Variants in NALF1 observed in about 807,000 individuals in gnomAD.
NALF1 encodes NALCN channel auxiliary factor 1.
In NALF1, 3 loss-of-function variants were observed where a neutral mutation model predicts 48.4. The observed-to-expected ratio is 0.06, with a 90% CI of 0.03 to 0.16. NALF1 has a LOEUF of 0.16. Among genes scored for constraint, NALF1 ranks in the 10% least tolerant of loss-of-function variants. The probability of loss-of-function intolerance (pLI) is 1.00; values close to 1 mark genes in which losing one functional copy is unlikely to be tolerated. For missense variants in NALF1, 526 were observed against 571.5 expected (o/e 0.92, Z 0.81); for synonymous variants, 262 against 245.7 (o/e 1.07, Z -0.62).
At chr13:107,713,363 TA>T (rs1429736497) in intron 1 of NALF1, among the ~76,000 whole-genome samples, 7 of 152,234 alleles carry the variant, frequency 4.6e-5, no homozygotes, top group Admixed American at 4.6e-4. Flanking sequence ...AGGGCTCTGA[TA>T]TTTTTTACTG....
At chr13:107,270,852 C>A (rs1433445798) in intron 1 of NALF1, among the ~76,000 whole-genome samples, 2 of 147,644 alleles carry the variant, frequency 1.4e-5, no homozygotes, top group East Asian at 4.1e-4. Context: ...GTGTGATGTT[C>A]CCCTTCCTGT....
At chr13:107,777,674 C>A (rs943370074) in intron 1 of NALF1, among the ~76,000 whole-genome samples, 1 of 152,146 alleles carries the variant, frequency 6.6e-6, no homozygotes, top group Non-Finnish European at 1.5e-5. Context: ...TCCTCTACAC[C>A]CTGCAAAACA....
chr13:107,759,531 T>C (rs1028222292), intron 1 of NALF1, among the ~76,000 whole-genome samples: 1 of 152,122 alleles, frequency 6.6e-6, no homozygotes, highest in African/African-American at 2.4e-5. Context: ...TTCTTGCAAA[T>C]GCATCTGGTT....
chr13:107,450,178 T>C (rs1884716524), intron 1 of NALF1, among the ~76,000 whole-genome samples: 1 of 151,856 alleles, frequency 6.6e-6, no homozygotes, highest in Admixed American at 6.6e-5. Context: ...AAGGGAGAGA[T>C]GAAAACACAG....
Position 107,866,373 on chromosome 13 carries a change from T to C in NALF1, c.224A>G (p.Gln75Arg). The C allele has an allele frequency of 1.4e-6, 2 of 1,479,328 alleles. No individual in the cohort carries two copies. The highest frequency in any genetic ancestry group is 1.3e-5 in the South Asian group (1 of 75,568). 91.6% of individuals were successfully genotyped at this position (1,479,328 alleles called of 1,614,324 possible). A position where few individuals can be genotyped will look rare whatever the true frequency, so the allele number is the denominator to read the frequency against. ...TRARDKEHQQ[Q>R]QRQQQQQQQQ... is the part of the protein sequence containing the mutation. ...CTGCTGCTGCTGCTGCTGCCGCTGC[T>C]GCTGCTGGTGCTCCTTGTCCCGGGC... The change falls in exon 1 of 3, where the codon CAG becomes CGG. Residue 75 changes from glutamine to arginine, a missense_variant. Gln to Arg is a conservative substitution (Grantham distance 43). Coordinates refer to ENST00000375915, the MANE Select transcript of NALF1 (RefSeq NM_001080396.3). This position sits in a 1 kb window ranked among gnomAD's most constrained non-coding sequence, Gnocchi z 4.4.
Position 107,682,597 on chromosome 13 carries a change from C to CT in NALF1, c.915+183084dup, listed in dbSNP as rs367854449. On this transcript the variant is annotated intron_variant, in intron 1 of 2. Coordinates refer to ENST00000375915, the MANE Select transcript of NALF1 (RefSeq NM_001080396.3). ...TTTCAGGCTGTCTTGTGATTCCACT[C>CT]TTTTTTTTTTCCATTTTCTTCCTCA... Among the ~76,000 whole-genome samples, 634 of 150,528 alleles carry CT rather than the reference C, an allele frequency of 4.2e-3. 3 individuals carry two copies. The highest frequency in any genetic ancestry group is 0.015 in the African/African-American group (610 of 41,018).
At chr13:107,534,604 A>C (rs1280306659) in intron 1 of NALF1, among the ~76,000 whole-genome samples, 1 of 152,172 alleles carries the variant, frequency 6.6e-6, no homozygotes, top group Non-Finnish European at 1.5e-5. Context: ...TTAATTTTAT[A>C]ATATACAAAT....
chr13:107,772,586 A>G (rs922952592), intron 1 of NALF1, among the ~76,000 whole-genome samples: 3 of 152,224 alleles, frequency 2.0e-5, no homozygotes, highest in Admixed American at 6.5e-5. Context: ...TGTAGGTAAT[A>G]TATCAGTAAA....
intron 1 of NALF1, among the ~76,000 whole-genome samples, chr13:107,693,863 T>G (rs1881632201): frequency 6.6e-6 from 1 of 152,200 alleles, no homozygotes. Flanking sequence ...GCTACTTGTT[T>G]CACACACTGA....
At chr13:107,483,568 A>C (rs1286972937) in intron 1 of NALF1, among the ~76,000 whole-genome samples, 1 of 152,140 alleles carries the variant, frequency 6.6e-6, no homozygotes, top group African/African-American at 2.4e-5. Flanking sequence ...TTTGAGGAAG[A>C]GATCACTAGA....
chr13:107,488,413 C>T (rs1478379166), intron 1 of NALF1, among the ~76,000 whole-genome samples: 2 of 151,906 alleles, frequency 1.3e-5, no homozygotes, highest in Non-Finnish European at 2.9e-5. Flanking sequence ...GGCATTAATG[C>T]TATACATCTC....
At position 107,270,992 on chromosome 13, in the gene NALF1, A is replaced by G. The variant is rs189111854; in HGVS notation, c.916-60237T>C. Among the ~76,000 whole-genome samples the G allele has an allele frequency of 2.0e-3, 306 of 152,248 alleles. 3 individuals carry two copies. The highest frequency in any genetic ancestry group is 5.0e-3 in the Admixed American group (77 of 15,294). ...ATCCATGATTTTAAAAGAAATGTTA[A>G]AGGCAGTATCAGCTATGCCAAATTT... is the stretch of plus-strand genomic sequence containing the variant. On this transcript the variant is annotated intron_variant, in intron 1 of 2. Transcript: ENST00000375915.
intron 2 of NALF1, among the ~76,000 whole-genome samples, chr13:107,194,721 C>T (rs61967590): frequency 0.036 from 5,469 of 152,074 alleles, 142 homozygotes; most frequent in Non-Finnish European, 0.058. Context: ...GTAGATGGGA[C>T]ATAATTAAAC....
chr13:107,352,163 T>C (rs924614173), intron 1 of NALF1, among the ~76,000 whole-genome samples: 2 of 152,158 alleles, frequency 1.3e-5, no homozygotes, highest in Admixed American at 6.5e-5. Context: ...GCAGTCTCTG[T>C]AAACCGGCCA....
intron 1 of NALF1, among the ~76,000 whole-genome samples, chr13:107,219,389 A>T (rs922766594): frequency 6.6e-6 from 1 of 152,212 alleles, no homozygotes; most frequent in Non-Finnish European, 1.5e-5. Flanking sequence ...CTTCAATATA[A>T]ATTCAATTTT....
intron 1 of NALF1, among the ~76,000 whole-genome samples, chr13:107,390,071 T>A (rs1045832983): frequency 6.6e-6 from 1 of 152,118 alleles, no homozygotes; most frequent in African/African-American, 2.4e-5. Context: ...GTAAAATATA[T>A]TCACTAGTAG....
intron 1 of NALF1, among the ~76,000 whole-genome samples, chr13:107,832,306 C>A (rs1477473383): frequency 6.6e-6 from 1 of 151,618 alleles, no homozygotes; most frequent in East Asian, 1.9e-4. Flanking sequence ...CATTCATAGG[C>A]AAAAATGTTT....
At chr13:107,283,616 CATTA>C (rs1386459591) in intron 1 of NALF1, among the ~76,000 whole-genome samples, 5 of 143,598 alleles carry the variant, frequency 3.5e-5, no homozygotes, top group South Asian at 4.4e-4. Context: ...AGCGGATCTT[CATTA>C]TTTATTTATT....
intron 1 of NALF1, among the ~76,000 whole-genome samples, chr13:107,796,915 T>G (rs775766013): frequency 6.6e-6 from 1 of 152,138 alleles, no homozygotes; most frequent in Non-Finnish European, 1.5e-5. Context: ...TTACCATATT[T>G]TACACGTGCC....
Sources: gnomAD v4.1 joint callset for allele counts (sites outside exome capture counted in the v4.1 genomes callset) on GRCh38, gnomAD v4.1.1 for gene constraint, Gnocchi (gnomAD v3.1) non-coding constraint, MANE v1.5 for transcripts, NCBI Gene and HGNC (gene_info 2026-07-23, HGNC 2026-07-21) for gene names.